GLE1: variants seen among roughly 807,000 people sequenced by gnomAD.
The protein encoded by GLE1 is GLE1 RNA export mediator, also known as mRNA export factor GLE1.
In GLE1, 78 loss-of-function variants were observed where a neutral mutation model predicts 97.3. That is an observed-to-expected ratio of 0.80 (90% CI 0.67 to 0.97). The LOEUF (loss-of-function observed/expected upper bound fraction) is 0.97, where lower values mean the gene tolerates loss of function less well. Among genes scored for constraint, GLE1 ranks in the 50% least tolerant of loss-of-function variants. The pLI is 0.00. For synonymous variants in GLE1, 302 were observed against 313.4 expected, an observed-to-expected ratio of 0.96 and a Z score of 0.39; for missense variants, 753 against 857.5, an observed-to-expected ratio of 0.88 and a Z score of 1.52.
intron 12 of GLE1, among the ~76,000 whole-genome samples, chr9:128,537,246 A>T (rs1169329607): frequency 2.6e-5 from 4 of 151,972 alleles, no homozygotes; most frequent in Non-Finnish European, 5.9e-5. Flanking sequence ...TAAGGTCAGG[A>T]GTTCAAGACC....
chr9:128,525,305 G>A lies in GLE1; in HGVS notation c.1011G>A (p.Arg337=). 1 of 1,614,102 alleles carries A rather than the reference G, an allele frequency of 6.2e-7. No individual in the cohort carries two copies. The highest frequency in any genetic ancestry group is 8.5e-7 in the Non-Finnish European group (1 of 1,179,940). Residue 337 remains arginine, a synonymous_variant, in exon 7 of 16, where the codon AGG becomes AGA. Transcript: ENST00000309971. ...TCACCAGAGCCTGCGAAGACAAGAG[G>A]AGGCAGGATGAAGAAGAGGCCCAGG... ...QEITRACEDK[R]RQDEEEAQVK... is the part of the protein sequence containing the mutation.
chr9:128,540,649 G>A (rs1847859543), intron 15 of GLE1: 1 of 401,898 alleles, frequency 2.5e-6, no homozygotes, highest in Admixed American at 4.1e-5. Context: ...TTAGTCTCAG[G>A]TCTGGGGAAT....
chr9:128,516,655 C>G (rs899527576), intron 3 of GLE1, among the ~76,000 whole-genome samples: 6 of 149,304 alleles, frequency 4.0e-5, no homozygotes, highest in African/African-American at 1.5e-4. Flanking sequence ...CAGAGTCTTG[C>G]TGTTGTCAGC....
intron 3 of GLE1, among the ~76,000 whole-genome samples, chr9:128,518,635 C>T (rs896651308): frequency 2.6e-5 from 4 of 151,170 alleles, no homozygotes; most frequent in Non-Finnish European, 5.9e-5. Flanking sequence ...TTTGGGAGGC[C>T]GTGGTGGATG....
At chr9:128,519,100 A>G in intron 3 of GLE1, among the ~76,000 whole-genome samples, 1 of 152,180 alleles carries the variant, frequency 6.6e-6, no homozygotes, top group Non-Finnish European at 1.5e-5. Flanking sequence ...GTGATTTCCT[A>G]TGCCTGTCTT....
At chr9:128,509,276 G>GA (rs1249260764) in intron 2 of GLE1, among the ~76,000 whole-genome samples, 179 bp downstream of exon 2, 1 of 151,864 alleles carries the variant, frequency 6.6e-6, no homozygotes, top group Non-Finnish European at 1.5e-5. Context: ...TCCAGAGGGA[G>GA]AAAAATCCCC....
chr9:128,515,388 C>A, intron 2 of GLE1, 141 bp from the exon 3 acceptor site: 1 of 653,988 alleles, frequency 1.5e-6, no homozygotes, highest in Admixed American at 2.3e-5. Flanking sequence ...CACACTAGTT[C>A]TGACCTAAAT....
intron 9 of GLE1, among the ~76,000 whole-genome samples, chr9:128,527,742 G>A (rs920014985): frequency 2.0e-5 from 3 of 152,008 alleles, no homozygotes; most frequent in Non-Finnish European, 4.4e-5. Context: ...GAGGTGGGCG[G>A]ATCACGAGGT....
At chr9:128,519,757 C>A (rs1284390916) in intron 3 of GLE1, among the ~76,000 whole-genome samples, 1 of 152,160 alleles carries the variant, frequency 6.6e-6, no homozygotes, top group Non-Finnish European at 1.5e-5. Flanking sequence ...ACACCCTATT[C>A]GTATACTCCC....
chr9:128,536,448 C>T lies in GLE1; in HGVS notation c.1740C>T (p.Ile580=), dbSNP rs865801020. ...GGATGATCCGTCTCTACGCTGCTAT[C>T]ATCCAGCTCCGGTGGCCATATGGAA... is the stretch of plus-strand genomic sequence containing the variant. ...MSGMIRLYAA[I]IQLRWPYGNR... is the part of the protein sequence containing the mutation. The change falls in exon 12 of 16, where the codon ATC becomes ATT. Residue 580 remains isoleucine, a synonymous_variant. Transcript: ENST00000309971. 7.4e-6 allele frequency: 12 copies of T among 1,614,072 alleles called. No homozygotes were observed. Among genetic ancestry groups the T allele is most frequent in the Middle Eastern group, 1.6e-4 (1 of 6,062 alleles).
intron 1 of GLE1, among the ~76,000 whole-genome samples, chr9:128,505,138 A>G (rs1226188095): frequency 6.6e-6 from 1 of 152,092 alleles, no homozygotes; most frequent in East Asian, 1.9e-4. Flanking sequence ...TGAAGGCTTC[A>G]TTGCTACCCT....
In GLE1 at chr9:128,515,517, C is replaced by A. The variant is rs904550265; in HGVS notation, c.322-12C>A. 3 of 1,410,830 alleles carry A rather than the reference C, an allele frequency of 2.1e-6. No individual in the cohort carries two copies. The highest frequency in any genetic ancestry group is 3.0e-6 in the Non-Finnish European group (3 of 994,990). 87.4% of individuals were successfully genotyped at this position (1,410,830 alleles called of 1,614,324 possible). On this transcript the variant is annotated splice_polypyrimidine_tract_variant and intron_variant, in intron 2 of 15. Transcript: ENST00000309971. Reference sequence around the variant, plus strand: ...TATTTTTTAATTATTTTTCCATTTTCTGCTCATATAGGGCAAAGATGAGTC... The same window carrying A: ...TATTTTTTAATTATTTTTCCATTTTATGCTCATATAGGGCAAAGATGAGTC...
intron 2 of GLE1, among the ~76,000 whole-genome samples, chr9:128,511,705 CAAA>C (rs948313816): frequency 1.2e-4 from 10 of 86,484 alleles, no homozygotes; most frequent in African/African-American, 3.9e-4. Flanking sequence ...GACTCCATCT[CAAA>C]AAAAAAAAAA....
chr9:128,523,257 C>A, intron 4 of GLE1, 23 bp from the exon 5 acceptor site: 2 of 1,572,584 alleles, frequency 1.3e-6, no homozygotes, highest in Non-Finnish European at 1.8e-6. Context: ...CCTGACTATT[C>A]CTCCCTGCCA....
intron 14 of GLE1, 54 bp from the exon 15 acceptor site, chr9:128,540,221 C>T (rs763288193): frequency 3.3e-6 from 4 of 1,219,686 alleles, no homozygotes; most frequent in Non-Finnish European, 4.9e-6. Context: ...ACACCGTTTC[C>T]AAAAGATAGG....
intron 11 of GLE1, 26 bp downstream of exon 11, chr9:128,533,977 C>G: frequency 7.1e-7 from 1 of 1,400,982 alleles, no homozygotes; most frequent in Non-Finnish European, 1.0e-6. Flanking sequence ...TCCCTACTCA[C>G]TATCCCTAGA....
chr9:128,513,914 A>G (rs1329832521), intron 2 of GLE1, among the ~76,000 whole-genome samples: 2 of 150,556 alleles, frequency 1.3e-5, no homozygotes, highest in Non-Finnish European at 3.0e-5. Context: ...GCTACTTGGG[A>G]GGCTGAGGCA....
intron 2 of GLE1, among the ~76,000 whole-genome samples, chr9:128,513,744 C>T (rs1399781926): frequency 2.0e-5 from 3 of 149,950 alleles, no homozygotes; most frequent in Non-Finnish European, 3.0e-5. Context: ...AGGCGGGGTG[C>T]GGTGGCTCAC....
intron 1 of GLE1, 32 bp downstream of exon 1, chr9:128,504,936 T>C (rs1483475485): frequency 2.1e-6 from 3 of 1,434,284 alleles, no homozygotes; most frequent in Non-Finnish European, 3.0e-6. Context: ...CGTAGGCCTT[T>C]CCGGCCCCTC....
Sources: gnomAD v4.1 joint callset for allele counts (sites outside exome capture counted in the v4.1 genomes callset) on GRCh38, gnomAD v4.1.1 for gene constraint, MANE v1.5 for transcripts, NCBI Gene and HGNC (gene_info 2026-07-23, HGNC 2026-07-21) for gene names.